The following CLTCL1 variants were observed in gnomAD, a reference collection of about 807,000 sequenced individuals.
CLTCL1 encodes clathrin heavy chain 2.
In CLTCL1, 159 loss-of-function variants were observed where a neutral mutation model predicts 190.0. That is an observed-to-expected ratio of 0.84 (90% confidence interval 0.74 to 0.95). CLTCL1 has a LOEUF of 0.95. Among genes scored for constraint, CLTCL1 ranks in the 40% least tolerant of loss-of-function variants. The probability of loss-of-function intolerance (pLI) is 0.00; values close to 1 mark genes in which losing one functional copy is unlikely to be tolerated. For synonymous variants in CLTCL1, 752 were observed against 769.6 expected (o/e 0.98, Z 0.38); for missense variants, 1,878 against 2,033.4 (o/e 0.92, Z 1.47).
chr22:19,197,428 A>G (rs1415426515), intron 24 of CLTCL1, among the ~76,000 whole-genome samples: 1 of 152,058 alleles, frequency 6.6e-6, no homozygotes, highest in African/African-American at 2.4e-5. Context: ...CTGCAGCTCC[A>G]TCCCACCTGC....
chr22:19,212,772 A>C (rs1304661634), intron 19 of CLTCL1, among the ~76,000 whole-genome samples: 1 of 152,230 alleles, frequency 6.6e-6, no homozygotes, highest in Admixed American at 6.5e-5. Flanking sequence ...TTTAACAAAT[A>C]ATGCTGGAAT....
intron 2 of CLTCL1, among the ~76,000 whole-genome samples, chr22:19,272,517 C>G (rs920712516): frequency 5.3e-5 from 8 of 152,178 alleles, no homozygotes; most frequent in African/African-American, 1.9e-4. Flanking sequence ...GTTGCCCAGG[C>G]TAGAGTGCAA....
chr22:19,274,582 TAGAA>T (rs1312784436), intron 2 of CLTCL1, among the ~76,000 whole-genome samples: 1 of 152,154 alleles, frequency 6.6e-6, no homozygotes, highest in Non-Finnish European at 1.5e-5. Context: ...TCTTTTTAAA[TAGAA>T]AGGTCTTAAC....
Position 19,180,060 on chromosome 22 carries a change from G to A in CLTCL1, c.*21-91C>T. The A allele has an allele frequency of 3.1e-5, 22 of 716,000 alleles. No individual in the cohort carries two copies. The South Asian group carries it at 3.6e-4, about 12-fold the overall frequency. 44.4% of individuals were successfully genotyped at this position (716,000 alleles called of 1,614,324 possible). On this transcript the variant is annotated intron_variant, in intron 32 of 32. Transcript: ENST00000427926. ...CCCTGAGTAGCCCGGGGCCCAGGGA[G>A]CAGGGTCTATAGGACCAGCCCTTAC...
chr22:19,273,214 C>G (rs2087382374), intron 2 of CLTCL1, among the ~76,000 whole-genome samples: 1 of 152,126 alleles, frequency 6.6e-6, no homozygotes, highest in Admixed American at 6.5e-5. Flanking sequence ...TGGTGTAGGG[C>G]CTTGAAAACA....
At chr22:19,235,631 G>C (rs1320930969) in intron 6 of CLTCL1, 65 bp downstream of exon 6, 1 of 1,489,970 alleles carries the variant, frequency 6.7e-7, no homozygotes, top group African/African-American at 1.4e-5. Context: ...AGAGAAGGGG[G>C]AAAGTTTAAA....
intron 13 of CLTCL1, among the ~76,000 whole-genome samples, chr22:19,225,077 G>A (rs577769578): frequency 6.6e-6 from 1 of 152,298 alleles, no homozygotes; most frequent in East Asian, 1.9e-4. Context: ...CTCTCATTTA[G>A]GAGAGGCCCA....
chr22:19,209,551 A>G (rs2085154599), intron 20 of CLTCL1, among the ~76,000 whole-genome samples: 1 of 152,232 alleles, frequency 6.6e-6, no homozygotes, highest in Non-Finnish European at 1.5e-5. Flanking sequence ...AGGGCCACCC[A>G]CTGTATAGTA....
rs995408943 is a variant in CLTCL1, at chr22:19,261,205, C to T, written c.251-6978G>A. Among the ~76,000 whole-genome samples, 7 of 152,008 alleles carry T rather than the reference C, an allele frequency of 4.6e-5. No individual in the cohort carries two copies. The South Asian group carries it at 6.2e-4, about 14-fold the overall frequency. ...TTGGCTCACTGCAAGCTCCGCCTCC[C>T]GGGTTCACGCCATTCTCCTGCCTCA... On this transcript the variant is annotated intron_variant, in intron 2 of 32. Transcript: ENST00000427926.
chr22:19,272,723 C>A (rs1306838961), intron 2 of CLTCL1, among the ~76,000 whole-genome samples: 1 of 152,168 alleles, frequency 6.6e-6, no homozygotes, highest in Non-Finnish European at 1.5e-5. Context: ...CTGCCTGCCT[C>A]GGCCTCCCAA....
intron 32 of CLTCL1, 66 bp downstream of exon 32, chr22:19,180,133 G>A (rs2084080100): frequency 1.4e-6 from 2 of 1,412,652 alleles, no homozygotes; most frequent in East Asian, 2.3e-5. Flanking sequence ...GAGGCAAGGA[G>A]CGTGGGGTCA....
chr22:19,289,743 T>C (rs544706076), intron 1 of CLTCL1, among the ~76,000 whole-genome samples: 16 of 152,096 alleles, frequency 1.1e-4, no homozygotes, highest in African/African-American at 1.9e-4. Context: ...ATCCAGAACA[T>C]AGACAAGAAA....
intron 11 of CLTCL1, among the ~76,000 whole-genome samples, chr22:19,226,989 TG>T (rs1257153536): frequency 6.6e-6 from 1 of 151,984 alleles, no homozygotes; most frequent in Non-Finnish European, 1.5e-5. Context: ...CTGCCCACCT[TG>T]GCCTCCTAAA....
chr22:19,200,752 G>A (rs920907638), intron 23 of CLTCL1, among the ~76,000 whole-genome samples: 1 of 152,238 alleles, frequency 6.6e-6, no homozygotes, highest in Non-Finnish European at 1.5e-5. Context: ...TGAGGCAGGA[G>A]AATGGTGTGA....
intron 2 of CLTCL1, among the ~76,000 whole-genome samples, chr22:19,275,023 C>T (rs1555982468): frequency 1.3e-5 from 2 of 152,150 alleles, no homozygotes; most frequent in Non-Finnish European, 2.9e-5. Context: ...GTCACTGCGC[C>T]CGGCCCAGTT....
chr22:19,191,171 C>A, intron 27 of CLTCL1, 133 bp downstream of exon 27: 2 of 1,022,242 alleles, frequency 2.0e-6, no homozygotes, highest in South Asian at 1.6e-5. Flanking sequence ...ACCTAAAACA[C>A]TTTGATACAC....
chr22:19,244,836 G>T (rs2086366785), intron 3 of CLTCL1, among the ~76,000 whole-genome samples: 1 of 152,222 alleles, frequency 6.6e-6, no homozygotes, highest in South Asian at 2.1e-4. Flanking sequence ...AGCAGGCAAG[G>T]ATTCAATGAG....
chr22:19,234,701 C>T lies in CLTCL1; in HGVS notation c.975G>A (p.Leu325=), dbSNP rs902576565. The change falls in exon 7 of 33, where the codon CTG becomes CTA. Residue 325 remains leucine (L), a synonymous_variant. Transcript: ENST00000427926. ...TGTTATCTTCCTCAACACAAACTGACAGTACCTGTAAGGACACAACAAGTG... is the reference window on the plus strand; with the variant it reads ...TGTTATCTTCCTCAACACAAACTGATAGTACCTGTAAGGACACAACAAGTG... ...IIGVNKKGQV[L]SVCVEEDNIV... is the part of the protein sequence containing the mutation. 25 of 1,613,656 alleles carry T rather than the reference C, an allele frequency of 1.5e-5. No homozygotes were observed. The highest frequency in any genetic ancestry group is 2.0e-5 in the Non-Finnish European group (24 of 1,179,732).
chr22:19,206,983 T>A (rs2085069385), intron 22 of CLTCL1, among the ~76,000 whole-genome samples: 1 of 151,972 alleles, frequency 6.6e-6, no homozygotes, highest in Admixed American at 6.5e-5. Flanking sequence ...CATTATGTTA[T>A]CTGATTTTTG....
Sources: allele counts gnomAD v4.1 joint callset (sites outside exome capture counted in the v4.1 genomes callset), GRCh38; gene constraint gnomAD v4.1.1; transcripts MANE v1.5; gene names NCBI Gene and HGNC (gene_info 2026-07-23, HGNC 2026-07-21).